The following RAP1GDS1 variants were observed in gnomAD, a reference collection of about 807,000 sequenced individuals.
The protein encoded by RAP1GDS1 is Rap1 GTPase-GDP dissociation stimulator 1, also known as RAP1, GTP-GDP dissociation stimulator 1.
A neutral mutation model predicts 71.1 loss-of-function variants in RAP1GDS1; 35 were observed. That is an observed-to-expected ratio of 0.49 (90% CI 0.38 to 0.65). The LOEUF (loss-of-function observed/expected upper bound fraction) is 0.65, where lower values mean the gene tolerates loss of function less well. Ranked by LOEUF, RAP1GDS1 falls within the 30% of genes least tolerant of loss-of-function variation. The pLI is 0.00. For missense variants in RAP1GDS1, 663 were observed against 706.1 expected, an observed-to-expected ratio of 0.94 and a Z score of 0.69; for synonymous variants, 229 against 243.1, an observed-to-expected ratio of 0.94 and a Z score of 0.54.
At chr4:98,307,160 C>T (rs1170333719) in intron 2 of RAP1GDS1, among the ~76,000 whole-genome samples, 2 of 151,328 alleles carry the variant, frequency 1.3e-5, no homozygotes, top group Non-Finnish European at 2.9e-5. Context: ...TTTCCTAATA[C>T]AATGTGTTGT....
chr4:98,293,051 A>G (rs1196974038), intron 1 of RAP1GDS1, among the ~76,000 whole-genome samples: 1 of 152,188 alleles, frequency 6.6e-6, no homozygotes, highest in Non-Finnish European at 1.5e-5. Context: ...ATGAAATAAA[A>G]TGTTTGTAAA....
At chr4:98,296,157 A>C (rs1474218368) in intron 2 of RAP1GDS1, among the ~76,000 whole-genome samples, 1 of 152,074 alleles carries the variant, frequency 6.6e-6, no homozygotes, top group Non-Finnish European at 1.5e-5. Context: ...CAGGAAAGAA[A>C]GATTTCTCCA....
At chr4:98,330,445 G>A (rs879886540) in intron 2 of RAP1GDS1, among the ~76,000 whole-genome samples, 171 of 150,760 alleles carry the variant, frequency 1.1e-3, no homozygotes, top group Non-Finnish European at 1.8e-3. Context: ...GCCGGGCAGA[G>A]GCACTCCTCA....
intron 1 of RAP1GDS1, among the ~76,000 whole-genome samples, chr4:98,279,173 G>A (rs1724681701): frequency 2.0e-5 from 3 of 151,906 alleles, no homozygotes; most frequent in East Asian, 3.9e-4. Context: ...GCAGTGAGCC[G>A]AGATCGCACC....
intron 2 of RAP1GDS1, among the ~76,000 whole-genome samples, chr4:98,323,649 T>C (rs1293709111): frequency 1.6e-5 from 2 of 126,392 alleles, no homozygotes; most frequent in African/African-American, 6.2e-5. Context: ...ATCCAGCATA[T>C]AAACAGAGCC....
chr4:98,417,575 A>C, intron 9 of RAP1GDS1, 77 bp downstream of exon 9: 1 of 1,431,236 alleles, frequency 7.0e-7, no homozygotes, highest in South Asian at 1.3e-5. Flanking sequence ...ACATATACTA[A>C]AACTGGAACA....
At chr4:98,296,423 A>G (rs1418607936) in intron 2 of RAP1GDS1, among the ~76,000 whole-genome samples, 1 of 152,076 alleles carries the variant, frequency 6.6e-6, no homozygotes, top group African/African-American at 2.4e-5. Flanking sequence ...TTCTCTCTGT[A>G]ACGTTTATAC....
At chr4:98,419,180 T>C (rs1376125162) in intron 10 of RAP1GDS1, among the ~76,000 whole-genome samples, 1 of 151,892 alleles carries the variant, frequency 6.6e-6, no homozygotes, top group African/African-American at 2.4e-5. Context: ...CTCAGCCTCC[T>C]GAGGAACAGG....
intron 13 of RAP1GDS1, among the ~76,000 whole-genome samples, chr4:98,434,589 A>C (rs1162497935): frequency 6.6e-6 from 1 of 151,328 alleles, no homozygotes; most frequent in Non-Finnish European, 1.5e-5. Flanking sequence ...AAATAGGCTA[A>C]ATAATTTCAT....
At chr4:98,359,784 C>CT (rs1489440497) in intron 4 of RAP1GDS1, among the ~76,000 whole-genome samples, 1 of 152,092 alleles carries the variant, frequency 6.6e-6, no homozygotes, top group African/African-American at 2.4e-5. Context: ...ATCATATAGT[C>CT]TAATTGGAAT....
At chr4:98,325,350 G>A (rs1349493518) in intron 2 of RAP1GDS1, among the ~76,000 whole-genome samples, 1 of 151,320 alleles carries the variant, frequency 6.6e-6, no homozygotes, top group African/African-American at 2.4e-5. Context: ...CAACCATTGT[G>A]GAAGTCAGTG....
chr4:98,286,671 G>A (rs890170402), intron 1 of RAP1GDS1, among the ~76,000 whole-genome samples: 1 of 151,984 alleles, frequency 6.6e-6, no homozygotes, highest in African/African-American at 2.4e-5. Context: ...GATCACCTGA[G>A]GTCAGGAGTT....
chr4:98,350,549 T>A (rs1481786553), intron 3 of RAP1GDS1, among the ~76,000 whole-genome samples: 1 of 151,756 alleles, frequency 6.6e-6, no homozygotes, highest in Non-Finnish European at 1.5e-5. Flanking sequence ...TATAAAAAAA[T>A]AAAAAATTGG....
chr4:98,321,579 G>A (rs1380995480), intron 2 of RAP1GDS1, among the ~76,000 whole-genome samples: 1 of 151,572 alleles, frequency 6.6e-6, no homozygotes, highest in African/African-American at 2.4e-5. Context: ...TCTCTCGGCA[G>A]AAACCCTACA....
rs543718769 is a variant in RAP1GDS1 at position 98,440,580 on chromosome 4, G to A, written c.1697-1410G>A. Reference sequence around the variant, plus strand: ...GCATCTTACTGTGGTTTTTATTTGCGTTTCCCTAATGATTACTGATGGGAA... The same window carrying A: ...GCATCTTACTGTGGTTTTTATTTGCATTTCCCTAATGATTACTGATGGGAA... On this transcript the variant is annotated intron_variant, in intron 14 of 14. Coordinates refer to ENST00000408927, the MANE Select transcript of RAP1GDS1 (RefSeq NM_001100427.2). Among the ~76,000 whole-genome samples the A allele has an allele frequency of 8.5e-5, 13 of 152,132 alleles. No homozygotes were observed. The South Asian group carries it at 2.5e-3, about 29-fold the overall frequency.
chr4:98,400,472 A>C (rs1288065676), intron 6 of RAP1GDS1, among the ~76,000 whole-genome samples: 1 of 151,630 alleles, frequency 6.6e-6, no homozygotes, highest in African/African-American at 2.4e-5. Context: ...AGGAATAGAA[A>C]GTTAAACACT....
chr4:98,437,191 A>G, intron 14 of RAP1GDS1, 123 bp downstream of exon 14: 1 of 1,014,916 alleles, frequency 9.9e-7, no homozygotes, highest in Non-Finnish European at 1.3e-6. Flanking sequence ...TATGGAGGTT[A>G]TAAGATAACT....
At chr4:98,327,265 G>A (rs1302452728) in intron 2 of RAP1GDS1, among the ~76,000 whole-genome samples, 1 of 152,016 alleles carries the variant, frequency 6.6e-6, no homozygotes, top group Non-Finnish European at 1.5e-5. Flanking sequence ...GAATACATGT[G>A]CCATGATAAA....
chr4:98,413,517 A>G (rs559177411), intron 7 of RAP1GDS1, among the ~76,000 whole-genome samples: 18 of 152,008 alleles, frequency 1.2e-4, no homozygotes, highest in African/African-American at 2.7e-4. Context: ...ATGATTTCCA[A>G]TTTCATCCAT....
Sources: allele counts gnomAD v4.1 joint callset (sites outside exome capture counted in the v4.1 genomes callset), GRCh38; gene constraint gnomAD v4.1.1; transcripts MANE v1.5; gene names NCBI Gene and HGNC (gene_info 2026-07-23, HGNC 2026-07-21).